METTL24: variants seen among roughly 807,000 people sequenced by gnomAD.
The protein encoded by METTL24 is methyltransferase like 24.
METTL24 carries 29 observed loss-of-function variants against 32.7 expected under a neutral mutation model. The observed-to-expected ratio is 0.89, with a 90% CI of 0.66 to 1.21. The LOEUF is 1.21. METTL24 is among the 50% of genes most tolerant of loss of function. The pLI is 0.00. For synonymous variants in METTL24, 163 were observed against 179.5 expected (o/e 0.91, Z 0.73); for missense variants, 439 against 468.1 (o/e 0.94, Z 0.57).
intron 4 of METTL24, among the ~76,000 whole-genome samples, chr6:110,246,601 A>G (rs1282095489): frequency 6.6e-6 from 1 of 152,180 alleles, no homozygotes; most frequent in African/African-American, 2.4e-5. Context: ...TATACAAATG[A>G]TGAAATACCA....
chr6:110,291,009 T>A (rs750937322), intron 4 of METTL24, among the ~76,000 whole-genome samples: 1 of 152,202 alleles, frequency 6.6e-6, no homozygotes, highest in Non-Finnish European at 1.5e-5. Context: ...GTATCTTGTT[T>A]GGTGGGGTGC....
intron 1 of METTL24, among the ~76,000 whole-genome samples, chr6:110,324,355 G>A (rs1021371281): frequency 3.3e-5 from 5 of 152,280 alleles, no homozygotes; most frequent in East Asian, 3.9e-4. Context: ...CTGGTTTCCC[G>A]CAGACTGCCT....
chr6:110,349,839 G>A (rs1470862219), intron 1 of METTL24, among the ~76,000 whole-genome samples: 1 of 152,178 alleles, frequency 6.6e-6, no homozygotes, highest in East Asian at 1.9e-4. Flanking sequence ...AACTACCCTG[G>A]CTAGTTAAGC....
chr6:110,274,771 G>A (rs181267739), intron 4 of METTL24, among the ~76,000 whole-genome samples: 63 of 134,834 alleles, frequency 4.7e-4, no homozygotes, highest in Non-Finnish European at 8.5e-4. Flanking sequence ...CATTTTGGTA[G>A]CTTTTTTTTT....
intron 3 of METTL24, among the ~76,000 whole-genome samples, chr6:110,307,076 G>C (rs1771639728): frequency 6.6e-6 from 1 of 152,148 alleles, no homozygotes; most frequent in African/African-American, 2.4e-5. Flanking sequence ...TATGAGGCAG[G>C]GGCTGGAATT....
intron 4 of METTL24, among the ~76,000 whole-genome samples, chr6:110,251,005 C>T (rs1778267740): frequency 6.6e-6 from 1 of 152,220 alleles, no homozygotes; most frequent in Non-Finnish European, 1.5e-5. Flanking sequence ...CTACGACATG[C>T]CTGCTGGCCT....
chr6:110,255,791 A>G (rs1037880892), intron 4 of METTL24, among the ~76,000 whole-genome samples: 1 of 152,242 alleles, frequency 6.6e-6, no homozygotes, highest in Admixed American at 6.5e-5. Context: ...AAATAACCCA[A>G]GTAAACATCC....
intron 1 of METTL24, 150 bp downstream of exon 1, chr6:110,357,805 C>T: frequency 3.8e-6 from 1 of 261,574 alleles, no homozygotes; most frequent in Non-Finnish European, 6.7e-6. Flanking sequence ...ACCCGTGGAG[C>T]CGCCTAAGAG....
At chr6:110,246,330 A>G in intron 4 of METTL24, 70 bp from the exon 5 acceptor site, 1 of 1,341,618 alleles carries the variant, frequency 7.5e-7, no homozygotes, top group Admixed American at 2.2e-5. Context: ...GTTTCACATT[A>G]TAGCTACCTC....
chr6:110,315,491 T>C lies in METTL24; in HGVS notation c.418-10A>G, dbSNP rs141656597. The C allele has an allele frequency of 3.5e-4, 559 of 1,613,138 alleles. 6 individuals carry two copies. In the East Asian group the frequency reaches 0.01, roughly 29 times the overall value. The stretch of plus-strand genomic sequence containing the variant: ...TGTGATTGCATGCAATCTGTAAAGA[T>C]TGGAAATCAATGTGAATAATTTGAA... On this transcript the variant is annotated splice_polypyrimidine_tract_variant and intron_variant, in intron 2 of 4. Coordinates refer to ENST00000338882, the MANE Select transcript of METTL24 (RefSeq NM_001123364.3).
chr6:110,316,899 TAAAAG>T (rs1771830434), intron 2 of METTL24, among the ~76,000 whole-genome samples: 1 of 151,296 alleles, frequency 6.6e-6, no homozygotes, highest in African/African-American at 2.4e-5. Flanking sequence ...CTCAAAAAAA[TAAAAG>T]AAAGAAAGAA....
At chr6:110,323,827 T>C (rs186204484) in intron 1 of METTL24, among the ~76,000 whole-genome samples, 193 of 152,168 alleles carry the variant, frequency 1.3e-3, no homozygotes, top group African/African-American at 4.5e-3. Flanking sequence ...CGTCATAGCA[T>C]AGGTTTCCTG....
At chr6:110,315,155 A>C (rs1406961492) in intron 3 of METTL24, among the ~76,000 whole-genome samples, 187 bp downstream of exon 3, 2 of 152,238 alleles carry the variant, frequency 1.3e-5, no homozygotes, top group East Asian at 3.9e-4. Context: ...CCTCTGACCA[A>C]GGAGACCTCG....
At chr6:110,323,931 A>G (rs1771975110) in intron 1 of METTL24, among the ~76,000 whole-genome samples, 1 of 151,962 alleles carries the variant, frequency 6.6e-6, no homozygotes, top group African/African-American at 2.4e-5. Context: ...GATCATTCAC[A>G]TATACACAGT....
At position 110,256,168 on chromosome 6, in the gene METTL24, T is replaced by C. The variant is rs146848910; in HGVS notation, c.787-9908A>G. ...GGATGTGTGTGCACACACATGTGCA[T>C]ACACACACACACAACACACACACAT... On this transcript the variant is annotated intron_variant, in intron 4 of 4. Coordinates refer to ENST00000338882, the MANE Select transcript of METTL24 (RefSeq NM_001123364.3). Among the ~76,000 whole-genome samples, 325 of 151,884 alleles carry C rather than the reference T, an allele frequency of 2.1e-3. 2 individuals carry two copies. The highest frequency in any genetic ancestry group is 7.6e-3 in the African/African-American group (315 of 41,432).
Position 110,245,859 on chromosome 6 carries a change from A to G in METTL24, c.*87T>C. On this transcript the variant is annotated 3_prime_UTR_variant, in exon 5 of 5. Transcript: ENST00000338882. The stretch of plus-strand genomic sequence containing the variant: ...CTCAAGCAGGGCACAGGCTAGCAGG[A>G]GACTGGATGAGTAAACTCATGATTA... 7.5e-7 allele frequency: 1 copy of G among 1,327,498 alleles called. No individual in the cohort carries two copies. The highest frequency in any genetic ancestry group is 1.0e-6 in the Non-Finnish European group (1 of 960,110). 82.2% of individuals were successfully genotyped at this position (1,327,498 alleles called of 1,614,324 possible).
intron 3 of METTL24, among the ~76,000 whole-genome samples, chr6:110,301,370 A>G (rs1259244794): frequency 6.6e-6 from 1 of 152,016 alleles, no homozygotes. Flanking sequence ...CACCATCCAC[A>G]CTACTCCATG....
chr6:110,346,175 C>T (rs1772468776), intron 1 of METTL24, among the ~76,000 whole-genome samples: 2 of 152,152 alleles, frequency 1.3e-5, no homozygotes, highest in Admixed American at 6.5e-5. Flanking sequence ...TTTCAAGTAG[C>T]GCTTGAAAGA....
At chr6:110,312,615 A>G (rs1771743999) in intron 3 of METTL24, among the ~76,000 whole-genome samples, 1 of 152,254 alleles carries the variant, frequency 6.6e-6, no homozygotes, top group Non-Finnish European at 1.5e-5. Flanking sequence ...CAAATATTGC[A>G]TCTTCTCACT....
Sources: gnomAD v4.1 joint callset for allele counts (sites outside exome capture counted in the v4.1 genomes callset) on GRCh38, gnomAD v4.1.1 for gene constraint, MANE v1.5 for transcripts, NCBI Gene and HGNC (gene_info 2026-07-23, HGNC 2026-07-21) for gene names.